The following MIS18A variants were observed in gnomAD, a reference collection of about 807,000 sequenced individuals.
The protein encoded by MIS18A is protein Mis18-alpha.
A neutral mutation model predicts 25.0 loss-of-function variants in MIS18A; 14 were observed. The observed-to-expected ratio is 0.56, with a 90% CI of 0.37 to 0.88. The LOEUF (loss-of-function observed/expected upper bound fraction) is 0.88, where lower values mean the gene tolerates loss of function less well. MIS18A is among the 40% of genes least tolerant of loss of function. MIS18A has a pLI of 0.00. For missense variants in MIS18A, 292 were observed against 290.8 expected, an observed-to-expected ratio of 1.00 and a Z score of -0.03; for synonymous variants, 134 against 118.6, an observed-to-expected ratio of 1.13 and a Z score of -0.84.
At chr21:32,198,266 C>A in the MIS18A span, among the ~76,000 whole-genome samples, 13 of 152,174 alleles carry the variant, frequency 8.5e-5, no homozygotes, top group Admixed American at 7.9e-4. Context: ...GAGTGAGCTA[C>A]ACTGATGAGA....
intron 2 of MIS18A, 64 bp downstream of exon 2, chr21:32,274,766 C>A (rs1436975523): frequency 2.3e-6 from 3 of 1,285,640 alleles, no homozygotes; most frequent in African/African-American, 1.5e-5. Context: ...CTAGTAATGA[C>A]CTTTTAAAGA....
the MIS18A span, among the ~76,000 whole-genome samples, chr21:32,221,346 A>G: frequency 6.6e-6 from 1 of 152,162 alleles, no homozygotes; most frequent in South Asian, 2.1e-4. Context: ...AAAGAAAAGA[A>G]TTTTCAACCC....
the MIS18A span, among the ~76,000 whole-genome samples, chr21:32,160,926 C>T: frequency 2.6e-5 from 4 of 152,100 alleles, no homozygotes; most frequent in Non-Finnish European, 4.4e-5. Context: ...CCCCTGCGCC[C>T]GGCCAGTTGC....
intron 2 of MIS18A, among the ~76,000 whole-genome samples, chr21:32,271,122 C>T (rs745409751): frequency 3.3e-5 from 5 of 152,168 alleles, no homozygotes; most frequent in Non-Finnish European, 7.3e-5. Flanking sequence ...CTTGAATATA[C>T]CCTCCCCCAA....
At chr21:32,278,086 T>A (rs893791611) in intron 1 of MIS18A, 1 of 152,260 alleles carries the variant, frequency 6.6e-6, no homozygotes, top group Non-Finnish European at 1.5e-5. Flanking sequence ...ACAACAGAGG[T>A]AAGAGGTAAC....
At chr21:32,240,636 C>T in the MIS18A span, among the ~76,000 whole-genome samples, 2 of 152,176 alleles carry the variant, frequency 1.3e-5, no homozygotes, top group Non-Finnish European at 2.9e-5. Context: ...AAAATGTTGT[C>T]ACGATTAAAT....
chr21:32,209,270 C>T, the MIS18A span, among the ~76,000 whole-genome samples: 1 of 152,058 alleles, frequency 6.6e-6, no homozygotes, highest in African/African-American at 2.4e-5. Context: ...AACAATTTGC[C>T]AAAGTTTATT....
the MIS18A span, among the ~76,000 whole-genome samples, chr21:32,188,860 C>T: frequency 2.0e-5 from 3 of 152,216 alleles, no homozygotes; most frequent in African/African-American, 7.2e-5. Flanking sequence ...CCTCTGTTGA[C>T]AGATGTGCAA....
At chr21:32,224,524 C>G in the MIS18A span, among the ~76,000 whole-genome samples, 1 of 148,626 alleles carries the variant, frequency 6.7e-6, no homozygotes, top group Non-Finnish European at 1.5e-5. Flanking sequence ...AACTCCCATT[C>G]ACAATTGCTT....
chr21:32,183,599 C>A, the MIS18A span, among the ~76,000 whole-genome samples: 1 of 152,212 alleles, frequency 6.6e-6, no homozygotes, highest in Non-Finnish European at 1.5e-5. Context: ...ATGGTGTGGT[C>A]ATTTTTGGCC....
chr21:32,168,753 A>T, the MIS18A span, among the ~76,000 whole-genome samples: 3 of 152,206 alleles, frequency 2.0e-5, no homozygotes, highest in South Asian at 2.1e-4. Flanking sequence ...GTAACTAATA[A>T]GCTAGCATTG....
Position 32,269,006 on chromosome 21 carries a change from C to A in MIS18A, c.*31G>T. The A allele has an allele frequency of 6.9e-7, 1 of 1,458,602 alleles. No individual in the cohort carries two copies. Among genetic ancestry groups the A allele is most frequent in the African/African-American group, 1.4e-5 (1 of 70,568 alleles). 90.4% of individuals were successfully genotyped at this position (1,458,602 alleles called of 1,614,324 possible). Reference sequence around the variant, plus strand: ...ATTTAACAAATAAGGGGAGGAAGGGCGGGGGCAGAATGGAGGACACAGACT... The same window carrying A: ...ATTTAACAAATAAGGGGAGGAAGGGAGGGGGCAGAATGGAGGACACAGACT... On this transcript the variant is annotated 3_prime_UTR_variant, in exon 5 of 5. Transcript: ENST00000290130.
the MIS18A span, among the ~76,000 whole-genome samples, chr21:32,242,105 C>T: frequency 1.5e-4 from 23 of 152,370 alleles, no homozygotes; most frequent in South Asian, 6.2e-4. Flanking sequence ...TGGTCTCGAT[C>T]TCCTGACCTC....
At chr21:32,165,444 A>G in the MIS18A span, among the ~76,000 whole-genome samples, 5 of 151,862 alleles carry the variant, frequency 3.3e-5, no homozygotes, top group African/African-American at 4.8e-5. Context: ...AAAAAAAAAA[A>G]AAGGCATTAT....
the MIS18A span, among the ~76,000 whole-genome samples, chr21:32,209,568 C>G: frequency 6.6e-6 from 1 of 152,214 alleles, no homozygotes; most frequent in Non-Finnish European, 1.5e-5. Context: ...CATAAGAACA[C>G]TATCCCCATT....
intron 2 of MIS18A, among the ~76,000 whole-genome samples, chr21:32,272,958 C>T (rs972268631): frequency 6.6e-6 from 1 of 152,126 alleles, no homozygotes; most frequent in African/African-American, 2.4e-5. Context: ...AAAGTTCTAG[C>T]CTCCCTGGGC....
chr21:32,199,019 A>G, the MIS18A span, among the ~76,000 whole-genome samples: 1 of 152,176 alleles, frequency 6.6e-6, no homozygotes, highest in Non-Finnish European at 1.5e-5. Context: ...TCATATGCAC[A>G]TTAAGGTCAC....
the MIS18A span, among the ~76,000 whole-genome samples, chr21:32,261,954 C>G: frequency 1.3e-5 from 2 of 152,212 alleles, no homozygotes; most frequent in African/African-American, 2.4e-5. Context: ...CTAAACCCTT[C>G]TAGACGCTAA....
At chr21:32,174,209 C>T in the MIS18A span, among the ~76,000 whole-genome samples, 3 of 151,994 alleles carry the variant, frequency 2.0e-5, no homozygotes, top group African/African-American at 4.8e-5. Context: ...ATGATCCGCC[C>T]GCCTCAGCCT....
Sources: gnomAD v4.1 joint callset for allele counts (sites outside exome capture counted in the v4.1 genomes callset) on GRCh38, gnomAD v4.1.1 for gene constraint, MANE v1.5 for transcripts, NCBI Gene and HGNC (gene_info 2026-07-23, HGNC 2026-07-21) for gene names.